MARS2: variants seen among roughly 807,000 people sequenced by gnomAD.
The protein encoded by MARS2 is methionine--tRNA ligase, mitochondrial.
MARS2 carries 33 observed loss-of-function variants against 43.8 expected under a neutral mutation model. That is an observed-to-expected ratio of 0.75 (90% CI 0.57 to 1.01). The LOEUF (loss-of-function observed/expected upper bound fraction) is 1.01. Ranked by LOEUF, MARS2 falls within the 50% of genes least tolerant of loss-of-function variation. MARS2 has a pLI of 0.00. For synonymous variants in MARS2, 351 were observed against 325.5 expected, an observed-to-expected ratio of 1.08 and a Z score of -0.84; for missense variants, 720 against 763.0, an observed-to-expected ratio of 0.94 and a Z score of 0.66.
At position 197,707,098 on chromosome 2, in the gene MARS2, GA is replaced by G; in HGVS notation, c.1695del (p.Arg567GlyfsTer14). On this transcript the variant is annotated frameshift_variant, in exon 1 of 1. Transcript: ENST00000282276. LOFTEE classifies it high-confidence loss of function. ...PRFYGHPCPF[E>X]GRRLGPETGL... ...ATTCTATGGACATCCATGCCCTTTT[GA>G]AGGGAGGAGGCTGGGACCTGAAACT... 6.2e-7 allele frequency: 1 copy of G among 1,614,196 alleles called. No homozygotes were observed. The highest frequency in any genetic ancestry group is 1.3e-5 in the African/African-American group (1 of 75,052).
chr2:197,707,291 A>G lies in MARS2; in HGVS notation c.*104A>G, dbSNP rs936877339. On this transcript the variant is annotated 3_prime_UTR_variant, in exon 1 of 1. Transcript: ENST00000282276. ...AGTATTTTCTTAAGTGTGGAATCAAATGAGCACATAAGCTGTGTCCCTGTG... is the reference window on the plus strand; with the variant it reads ...AGTATTTTCTTAAGTGTGGAATCAAGTGAGCACATAAGCTGTGTCCCTGTG... 1 of 1,042,832 alleles carries G rather than the reference A, an allele frequency of 9.6e-7. No homozygotes were observed. The highest frequency in any genetic ancestry group is 1.6e-5 in the African/African-American group (1 of 61,820). 64.6% of individuals were successfully genotyped at this position (1,042,832 alleles called of 1,614,324 possible).
At position 197,706,937 on chromosome 2, in the gene MARS2, A is replaced by G; in HGVS notation, c.1532A>G (p.His511Arg). 6.2e-7 allele frequency: 1 copy of G among 1,614,172 alleles called. No homozygotes were observed. Reference sequence around the variant, plus strand: ...GCTCCCTGGCTGGGTACTGTGCTTCATGTGGCCTTGGAATGTTTGCGAGTC... The same window carrying G: ...GCTCCCTGGCTGGGTACTGTGCTTCGTGTGGCCTTGGAATGTTTGCGAGTC... ...VDAPWLGTVL[H>R]VALECLRVFG... is the part of the protein sequence containing the mutation. The change falls in exon 1 of 1, where the codon CAT (histidine) becomes CGT (arginine). Residue 511 changes from histidine to arginine, a missense_variant. His to Arg is a conservative substitution (Grantham distance 29). Coordinates refer to ENST00000282276, the MANE Select transcript of MARS2 (RefSeq NM_138395.4).
At position 197,705,756 on chromosome 2, in the gene MARS2, C is replaced by T. The variant is rs1186461221; in HGVS notation, c.351C>T (p.Val117=). Residue 117 remains valine (V), a synonymous_variant, in exon 1 of 1, where the codon GTC becomes GTT. Transcript: ENST00000282276. ...GLAPTELCDR[V]SEQFQQLFQE... ...CCCCGACCGAGCTGTGCGACCGAGTCTCTGAGCAGTTCCAGCAGCTTTTCC... is the reference window on the plus strand; with the variant it reads ...CCCCGACCGAGCTGTGCGACCGAGTTTCTGAGCAGTTCCAGCAGCTTTTCC... 6.2e-7 allele frequency: 1 copy of T among 1,613,008 alleles called. No homozygotes were observed. Among genetic ancestry groups the T allele is most frequent in the Non-Finnish European group, 8.5e-7 (1 of 1,180,044 alleles).
In MARS2 at chr2:197,708,304, G is replaced by A. The variant is rs1438768953; in HGVS notation, c.*1117G>A. ...AAATTGTGTAATAGTTATTATAAAT[G>A]TTAATACACAACTTTCAGGTAATTT... is the stretch of plus-strand genomic sequence containing the variant. On this transcript the variant is annotated 3_prime_UTR_variant, in exon 1 of 1. Coordinates refer to ENST00000282276, the MANE Select transcript of MARS2 (RefSeq NM_138395.4). 1 of 166,692 alleles carries A rather than the reference G, an allele frequency of 6.0e-6. No homozygotes were observed. The highest frequency in any genetic ancestry group is 2.4e-5 in the African/African-American group (1 of 41,436). 10.3% of individuals were successfully genotyped at this position (166,692 alleles called of 1,614,324 possible).
In MARS2 at chr2:197,706,829, C is replaced by A. The variant is rs532063373; in HGVS notation, c.1424C>A (p.Ala475Asp). The change falls in exon 1 of 1, where the codon GCC (alanine) becomes GAC (aspartate). Residue 475 changes from alanine to aspartate, a missense_variant. Transcript: ENST00000282276. ...TTTCGGATATATAAGGCTCTGGAGG[C>A]CGTGTCCAGCTGTGTCCGGCAAACT... Reference protein sequence around the residue: ...DNFRIYKALEAVSSCVRQTNG... With the variant: ...DNFRIYKALEDVSSCVRQTNG... 1 of 1,614,148 alleles carries A rather than the reference C, an allele frequency of 6.2e-7. No homozygotes were observed. Among genetic ancestry groups the A allele is most frequent in the African/African-American group, 1.3e-5 (1 of 75,052 alleles).
chr2:197,706,984 G>C lies in MARS2; in HGVS notation c.1579G>C (p.Val527Leu). 6 of 1,614,202 alleles carry C rather than the reference G, an allele frequency of 3.7e-6. No individual in the cohort carries two copies. The highest frequency in any genetic ancestry group is 4.2e-6 in the Non-Finnish European group (5 of 1,180,040). ...AGTCTTTGGGACTTTGCTGCAGCCT[G>C]TCACCCCAAGCCTAGCTGACAAGCT... is the stretch of plus-strand genomic sequence containing the variant. ...LRVFGTLLQPVTPSLADKLLS... is the reference protein window; with the variant it reads ...LRVFGTLLQPLTPSLADKLLS... Residue 527 changes from valine to leucine, a missense_variant, in exon 1 of 1, where the codon GTC (valine) becomes CTC (leucine). Val to Leu is a conservative substitution (Grantham distance 32, BLOSUM62 1). Coordinates refer to ENST00000282276, the MANE Select transcript of MARS2 (RefSeq NM_138395.4).
Position 197,707,031 on chromosome 2 carries a change from T to A in MARS2, c.1626T>A (p.Ser542=). 6.2e-7 allele frequency: 1 copy of A among 1,614,182 alleles called. No homozygotes were observed. The highest frequency in any genetic ancestry group is 8.5e-7 in the Non-Finnish European group (1 of 1,180,032). The change falls in exon 1 of 1, where the codon TCT becomes TCA. Residue 542 remains serine, a synonymous_variant. Coordinates refer to ENST00000282276, the MANE Select transcript of MARS2 (RefSeq NM_138395.4). ...AGCTGCTGTCTAGGCTGGGGGTCTCTGCCTCAGAGAGGAGTCTTGGAGAGC... is the reference window on the plus strand; with the variant it reads ...AGCTGCTGTCTAGGCTGGGGGTCTCAGCCTCAGAGAGGAGTCTTGGAGAGC... ...ADKLLSRLGV[S]ASERSLGELY... is the part of the protein sequence containing the mutation.
Position 197,706,382 on chromosome 2 carries a change from G to C in MARS2, c.977G>C (p.Gly326Ala). ...HAIYWPAFLL[G>A]AGMSPPQRIC... is the part of the protein sequence containing the mutation. ...ATCTATTGGCCTGCCTTCCTGTTAG[G>C]GGCCGGCATGAGCCCGCCACAGCGC... Residue 326 changes from glycine (G) to alanine (A), a missense_variant, in exon 1 of 1, where the codon GGG becomes GCG. Transcript: ENST00000282276. The C allele has an allele frequency of 3.1e-6, 5 of 1,614,150 alleles. No individual in the cohort carries two copies. Among genetic ancestry groups the C allele is most frequent in the Non-Finnish European group, 3.4e-6 (4 of 1,180,044 alleles).
rs758885011 is a variant in MARS2, at chr2:197,706,663, A to ACCCC, written c.1260_1261insCCCC (p.Tyr421ProfsTer12). 1.2e-6 allele frequency: 2 copies of ACCCC among 1,614,016 alleles called. No homozygotes were observed. Among genetic ancestry groups the ACCCC allele is most frequent in the Non-Finnish European group, 1.7e-6 (2 of 1,180,036 alleles). On this transcript the variant is annotated frameshift_variant, in exon 1 of 1. Transcript: ENST00000282276. LOFTEE classifies it high-confidence loss of function. ...TGCCAAAAGAATAAATCCTTCTGAG[A>ACCCC]CCTACCCAGCCTTCTGCACTACCTG...
Position 197,705,653 on chromosome 2 carries a change from C to T in MARS2, c.248C>T (p.Thr83Met), listed in dbSNP as rs766588662. 3 of 1,611,490 alleles carry T rather than the reference C, an allele frequency of 1.9e-6. No homozygotes were observed. Among genetic ancestry groups the T allele is most frequent in the South Asian group, 1.1e-5 (1 of 91,074 alleles). ...CACCGTCGCCTCCGAGGTCCCAGCA[C>T]GGCCGCCACGCGATTCTCCACTGGT... ...CRHRRLRGPS[T>M]AATRFSTGTD... The change falls in exon 1 of 1, where the codon ACG becomes ATG. Residue 83 changes from threonine (T) to methionine (M), a missense_variant. Transcript: ENST00000282276.
Position 197,708,286 on chromosome 2 carries a change from G to A in MARS2, c.*1099G>A, listed in dbSNP as rs2089491887. 1 of 166,756 alleles carries A rather than the reference G, an allele frequency of 6.0e-6. No homozygotes were observed. The highest frequency in any genetic ancestry group is 2.4e-5 in the African/African-American group (1 of 41,440). 10.3% of individuals were successfully genotyped at this position (166,756 alleles called of 1,614,324 possible). A position where few individuals can be genotyped will look rare whatever the true frequency, so the allele number is the denominator to read the frequency against. On this transcript the variant is annotated 3_prime_UTR_variant, in exon 1 of 1. Coordinates refer to ENST00000282276, the MANE Select transcript of MARS2 (RefSeq NM_138395.4). ...ATCTTTAATACAATATAGAAATTGT[G>A]TAATAGTTATTATAAATGTTAATAC...
At position 197,705,693 on chromosome 2, in the gene MARS2, G is replaced by A. The variant is rs2089468734; in HGVS notation, c.288G>A (p.Gly96=). 6.2e-7 allele frequency: 1 copy of A among 1,610,892 alleles called. No homozygotes were observed. Among genetic ancestry groups the A allele is most frequent in the African/African-American group, 1.3e-5 (1 of 75,080 alleles). Residue 96 remains glycine, a synonymous_variant, in exon 1 of 1, where the codon GGG becomes GGA. Transcript: ENST00000282276. ...TRFSTGTDEH[G]LKIQQAAATA... Reference sequence around the variant, plus strand: ...TCTCCACTGGTACCGACGAGCACGGGCTGAAGATTCAGCAGGCAGCAGCTA... The same window carrying A: ...TCTCCACTGGTACCGACGAGCACGGACTGAAGATTCAGCAGGCAGCAGCTA...
chr2:197,705,891 G>C lies in MARS2; in HGVS notation c.486G>C (p.Lys162Asn). ...TTAAGTCCCGCGGTCTGCTCTACAA[G>C]GGCGTCTATGAAGGTTGGTATTGCG... ...GVLKSRGLLY[K>N]GVYEGWYCAS... Residue 162 changes from lysine (K) to asparagine (N), a missense_variant, in exon 1 of 1, where the codon AAG becomes AAC. By Grantham distance (94) the Lys-to-Asn change is moderately conservative. Coordinates refer to ENST00000282276, the MANE Select transcript of MARS2 (RefSeq NM_138395.4). 2 of 1,614,106 alleles carry C rather than the reference G, an allele frequency of 1.2e-6. No individual in the cohort carries two copies. Among genetic ancestry groups the C allele is most frequent in the East Asian group, 2.2e-5 (1 of 44,882 alleles).
chr2:197,705,770 A>T lies in MARS2; in HGVS notation c.365A>T (p.Gln122Leu), dbSNP rs1485612725. Residue 122 changes from glutamine (Q) to leucine (L), a missense_variant, in exon 1 of 1, where the codon CAG becomes CTG. Physicochemically the swap from Gln to Leu is moderately radical, Grantham distance 113. Transcript: ENST00000282276. The stretch of plus-strand genomic sequence containing the variant: ...TGCGACCGAGTCTCTGAGCAGTTCC[A>T]GCAGCTTTTCCAGGAGGCCGGTATC... The part of the protein sequence containing the change: ...ELCDRVSEQF[Q>L]QLFQEAGISC... 1 of 1,613,198 alleles carries T rather than the reference A, an allele frequency of 6.2e-7. No individual in the cohort carries two copies. The highest frequency in any genetic ancestry group is 1.3e-5 in the African/African-American group (1 of 74,940).
In MARS2 at chr2:197,706,369, G is replaced by T. The variant is rs771633968; in HGVS notation, c.964G>T (p.Ala322Ser). 1.2e-6 allele frequency: 2 copies of T among 1,614,212 alleles called. No individual in the cohort carries two copies. The highest frequency in any genetic ancestry group is 1.7e-6 in the Non-Finnish European group (2 of 1,180,048). ...ILKFHAIYWP[A>S]FLLGAGMSPP... is the part of the protein sequence containing the mutation. ...CAAATTCCATGCCATCTATTGGCCT[G>T]CCTTCCTGTTAGGGGCCGGCATGAG... Residue 322 changes from alanine (A) to serine (S), a missense_variant, in exon 1 of 1, where the codon GCC becomes TCC. Ala to Ser is a moderately conservative substitution (Grantham distance 99, BLOSUM62 1). Transcript: ENST00000282276.
rs138469286 is a variant in MARS2 at position 197,705,814 on chromosome 2, C to T, written c.409C>T (p.Arg137Cys). 6 of 1,613,752 alleles carry T rather than the reference C, an allele frequency of 3.7e-6. No individual in the cohort carries two copies. The East Asian group carries it at 1.3e-4, about 36-fold the overall frequency. Residue 137 changes from arginine (R) to cysteine (C), a missense_variant, in exon 1 of 1, where the codon CGC (arginine) becomes TGC (cysteine). Transcript: ENST00000282276. ...EAGISCTDFI[R>C]TTEARHRVAV... is the part of the protein sequence containing the mutation. ...CGGTATCTCCTGCACAGATTTCATCCGCACCACGGAGGCCCGGCACCGGGT... is the reference window on the plus strand; with the variant it reads ...CGGTATCTCCTGCACAGATTTCATCTGCACCACGGAGGCCCGGCACCGGGT...
chr2:197,706,909 G>T lies in MARS2; in HGVS notation c.1504G>T (p.Asp502Tyr). The change falls in exon 1 of 1, where the codon GAT becomes TAT. Residue 502 changes from aspartate (D) to tyrosine (Y), a missense_variant. By Grantham distance (160) the Asp-to-Tyr change is radical (BLOSUM62 -3). Coordinates refer to ENST00000282276, the MANE Select transcript of MARS2 (RefSeq NM_138395.4). ...PWKLNWESPV[D>Y]APWLGTVLHV... ...GAAGCTGAACTGGGAGAGCCCAGTG[G>T]ATGCTCCCTGGCTGGGTACTGTGCT... is the stretch of plus-strand genomic sequence containing the variant. 1 of 1,614,198 alleles carries T rather than the reference G, an allele frequency of 6.2e-7. No homozygotes were observed. The highest frequency in any genetic ancestry group is 8.5e-7 in the Non-Finnish European group (1 of 1,180,044).
rs569744329 is a variant in MARS2, at chr2:197,707,268, T to C, written c.*81T>C. On this transcript the variant is annotated 3_prime_UTR_variant, in exon 1 of 1. Transcript: ENST00000282276. Reference sequence around the variant, plus strand: ...TTTATTTTCAGGAAAGTTATACTAGTATTTTCTTAAGTGTGGAATCAAATG... The same window carrying C: ...TTTATTTTCAGGAAAGTTATACTAGCATTTTCTTAAGTGTGGAATCAAATG... The C allele has an allele frequency of 2.3e-6, 3 of 1,307,082 alleles. No homozygotes were observed. The highest frequency in any genetic ancestry group is 3.2e-6 in the Non-Finnish European group (3 of 949,366). 81.0% of individuals were successfully genotyped at this position (1,307,082 alleles called of 1,614,324 possible).
Position 197,706,111 on chromosome 2 carries a change from G to T in MARS2, c.706G>T (p.Glu236Ter). ...GGGCAACCCTCAGGCGATCACCCCC[G>T]AACCATTTCATCACGTAGTTCTTCA... Reference protein sequence around the residue: ...LRGNPQAITPEPFHHVVLQWL... With the variant: ...LRGNPQAITP Residue 236 changes from glutamate (E) to a stop codon, truncating the protein, a stop_gained, in exon 1 of 1, where the codon GAA becomes TAA. Transcript: ENST00000282276. LOFTEE classifies it high-confidence loss of function. The T allele has an allele frequency of 6.2e-7, 1 of 1,614,028 alleles. No homozygotes were observed. Among genetic ancestry groups the T allele is most frequent in the Admixed American group, 1.7e-5 (1 of 60,028 alleles).
Sources: allele counts gnomAD v4.1 joint callset, GRCh38; gene constraint gnomAD v4.1.1; transcripts MANE v1.5; gene names NCBI Gene and HGNC (gene_info 2026-07-23, HGNC 2026-07-21).